TCN2: variants seen among roughly 807,000 people sequenced by gnomAD.
The protein encoded by TCN2 is transcobalamin-2.
Under a neutral mutation model 48.6 loss-of-function variants are expected in TCN2, and 34 were observed. That is an observed-to-expected ratio of 0.70 (90% CI 0.53 to 0.93). The LOEUF (loss-of-function observed/expected upper bound fraction) is 0.93. Ranked by LOEUF, TCN2 falls within the 40% of genes least tolerant of loss-of-function variation. The pLI, the probability that TCN2 is intolerant of heterozygous loss-of-function variation, is 0.00. For synonymous variants in TCN2, 283 were observed against 212.5 expected (o/e 1.33, Z -2.89); for missense variants, 652 against 526.1 (o/e 1.24, Z -2.34).
rs1491172112 is a variant in TCN2 at position 30,623,847 on chromosome 22, C to CATATGT, written c.1222+767_1222+768insTGTATA. Among the ~76,000 whole-genome samples the CATATGT allele has an allele frequency of 7.4e-5, 2 of 27,052 alleles. 1 individual carries two copies. The highest frequency in any genetic ancestry group is 1.3e-4 in the Non-Finnish European group (2 of 15,738). The allele number at this position is 27,052 out of a possible 152,430, so 17.7% of individuals were successfully genotyped here. On this transcript the variant is annotated intron_variant, in intron 8 of 8. Coordinates refer to ENST00000215838, the MANE Select transcript of TCN2 (RefSeq NM_000355.4). ...ATACACACACATATACACACACATA[C>CATATGT]ATACACATACATACACACATATATA...
intron 3 of TCN2, among the ~76,000 whole-genome samples, chr22:30,614,137 T>C (rs2087577295): frequency 6.6e-6 from 1 of 152,304 alleles, no homozygotes. Context: ...AACTGCGCAG[T>C]GCCTGTCTGC....
chr22:30,620,701 A>C (rs2087684962), intron 7 of TCN2, among the ~76,000 whole-genome samples: 1 of 152,250 alleles, frequency 6.6e-6, no homozygotes, highest in South Asian at 2.1e-4. Context: ...TAACGTTTTT[A>C]TTCAGAGCTC....
intron 8 of TCN2, among the ~76,000 whole-genome samples, chr22:30,623,825 C>T (rs371513494): frequency 0.03 from 481 of 15,774 alleles, 31 homozygotes; most frequent in Admixed American, 0.041. Flanking sequence ...CACACACATA[C>T]ACACACATAT....
chr22:30,623,929 T>C lies in TCN2; in HGVS notation c.1222+846T>C, dbSNP rs866105658. ...ATATATATACACACATATATATGTATACATATATACACACACACATATGTA... is the reference window on the plus strand; with the variant it reads ...ATATATATACACACATATATATGTACACATATATACACACACACATATGTA... On this transcript the variant is annotated intron_variant, in intron 8 of 8. Coordinates refer to ENST00000215838, the MANE Select transcript of TCN2 (RefSeq NM_000355.4). 4.3e-4 allele frequency among the ~76,000 whole-genome samples: 29 copies of C among 67,012 alleles called. 1 individual carries two copies. Among genetic ancestry groups the C allele is most frequent in the East Asian group, 2.2e-3 (6 of 2,790 alleles). 44.0% of individuals were successfully genotyped at this position (67,012 alleles called of 152,430 possible).
At chr22:30,618,294 C>T (rs2087644923) in intron 7 of TCN2, among the ~76,000 whole-genome samples, 1 of 150,698 alleles carries the variant, frequency 6.6e-6, no homozygotes, top group Admixed American at 6.6e-5. Context: ...GAGACAGAGT[C>T]TCACTCTATT....
At chr22:30,619,512 C>T (rs963494023) in intron 7 of TCN2, among the ~76,000 whole-genome samples, 5 of 152,238 alleles carry the variant, frequency 3.3e-5, no homozygotes, top group East Asian at 1.9e-4. Context: ...CATGTCTGGA[C>T]TGTTGTTTGA....
intron 2 of TCN2, among the ~76,000 whole-genome samples, chr22:30,611,535 T>C (rs2087541507): frequency 2.0e-5 from 3 of 152,236 alleles, no homozygotes; most frequent in South Asian, 2.1e-4. Context: ...TTTTCTTTCC[T>C]CTCACTCTGT....
intron 7 of TCN2, among the ~76,000 whole-genome samples, chr22:30,621,532 G>T (rs181753484): frequency 2.0e-5 from 3 of 152,198 alleles, no homozygotes; most frequent in Admixed American, 2.0e-4. Flanking sequence ...ACCCAGGCTG[G>T]AGTGCAGTGG....
In TCN2 at chr22:30,622,336, G is replaced by A. The variant is rs73170810; in HGVS notation, c.1107-632G>A. Reference sequence around the variant, plus strand: ...TTCCTGTGGCAGTGGCATCCAGACGGAGTGCAGAAACTCAAAGTTGAAGGC... The same window carrying A: ...TTCCTGTGGCAGTGGCATCCAGACGAAGTGCAGAAACTCAAAGTTGAAGGC... On this transcript the variant is annotated intron_variant, in intron 7 of 8. Coordinates refer to ENST00000215838, the MANE Select transcript of TCN2 (RefSeq NM_000355.4). Among the ~76,000 whole-genome samples, 549 of 152,326 alleles carry A rather than the reference G, an allele frequency of 3.6e-3. 3 individuals carry two copies. The highest frequency in any genetic ancestry group is 5.6e-3 in the Non-Finnish European group (381 of 68,028).
Position 30,626,651 on chromosome 22 carries a change from G to C in TCN2, c.*130G>C, listed in dbSNP as rs1251124385. The C allele has an allele frequency of 2.0e-6, 2 of 995,708 alleles. No homozygotes were observed. The highest frequency in any genetic ancestry group is 3.2e-5 in the African/African-American group (2 of 62,812). The allele number at this position is 995,708 out of a possible 1,614,324, so 61.7% of individuals were successfully genotyped here. ...TGTGCACTTTGAGCAATGCCCCCTG[G>C]GATCACCCCAGCCACAAGCCCTTCG... On this transcript the variant is annotated 3_prime_UTR_variant, in exon 9 of 9. Coordinates refer to ENST00000215838, the MANE Select transcript of TCN2 (RefSeq NM_000355.4).
intron 1 of TCN2, among the ~76,000 whole-genome samples, 187 bp downstream of exon 1, chr22:30,607,582 T>C (rs1455541387): frequency 6.6e-6 from 1 of 152,202 alleles, no homozygotes; most frequent in Non-Finnish European, 1.5e-5. Context: ...AGACAAGATC[T>C]CCGTTAATTC....
rs1386408744 is a variant in TCN2 at position 30,623,838 on chromosome 22, A to G, written c.1222+755A>G. Among the ~76,000 whole-genome samples the G allele has an allele frequency of 2.6e-5, 2 of 76,718 alleles. 1 individual carries two copies. Among genetic ancestry groups the G allele is most frequent in the Non-Finnish European group, 4.5e-5 (2 of 44,462 alleles). 50.3% of individuals were successfully genotyped at this position (76,718 alleles called of 152,430 possible). A position where few individuals can be genotyped will look rare whatever the true frequency, so the allele number is the denominator to read the frequency against. The stretch of plus-strand genomic sequence containing the variant: ...TACACACACATACACACACATATAC[A>G]CACACATACATACACATACATACAC... On this transcript the variant is annotated intron_variant, in intron 8 of 8. Coordinates refer to ENST00000215838, the MANE Select transcript of TCN2 (RefSeq NM_000355.4).
At position 30,627,250 on chromosome 22, in the gene TCN2, G is replaced by A. The variant is rs556250301; in HGVS notation, c.*729G>A. 4 of 156,402 alleles carry A rather than the reference G, an allele frequency of 2.6e-5. No individual in the cohort carries two copies. The highest frequency in any genetic ancestry group is 3.4e-3 in the Middle Eastern group (1 of 296). 9.7% of individuals were successfully genotyped at this position (156,402 alleles called of 1,614,324 possible). On this transcript the variant is annotated 3_prime_UTR_variant, in exon 9 of 9. Transcript: ENST00000215838. ...CACTACTATGACTGAGCACTCACTC[G>A]CTAGATACTATCTTGAACTGCTCTG... is the stretch of plus-strand genomic sequence containing the variant.
At chr22:30,614,608 T>C (rs2145543264) in intron 4 of TCN2, 107 bp downstream of exon 4, 1 of 1,491,296 alleles carries the variant, frequency 6.7e-7, no homozygotes, top group Non-Finnish European at 9.1e-7. Context: ...TCCTTGGGGC[T>C]CCTCCGAATC....
At position 30,612,934 on chromosome 22, in the gene TCN2, C is replaced by T; in HGVS notation, c.319C>T (p.Leu107Phe). 2 of 1,614,198 alleles carry T rather than the reference C, an allele frequency of 1.2e-6. No homozygotes were observed. Among genetic ancestry groups the T allele is most frequent in the Non-Finnish European group, 1.7e-6 (2 of 1,180,040 alleles). ...QGKPSMGQLA[L>F]YLLALRANCE... ...CAAGCCTTCCATGGGCCAGCTGGCC[C>T]TCTACCTGCTCGCTCTCAGAGCCAA... is the stretch of plus-strand genomic sequence containing the variant. The change falls in exon 3 of 9, where the codon CTC becomes TTC. Residue 107 changes from leucine to phenylalanine, a missense_variant. Transcript: ENST00000215838.
intron 3 of TCN2, among the ~76,000 whole-genome samples, chr22:30,613,860 C>T (rs911937904): frequency 6.6e-6 from 1 of 152,218 alleles, no homozygotes; most frequent in African/African-American, 2.4e-5. Context: ...GCCTCCCACA[C>T]ACCTGCCCTC....
Position 30,626,892 on chromosome 22 carries a change from C to T in TCN2, c.*371C>T, listed in dbSNP as rs2087819324. 1.4e-5 allele frequency: 5 copies of T among 365,868 alleles called. No homozygotes were observed. Among genetic ancestry groups the T allele is most frequent in the Non-Finnish European group, 2.6e-5 (5 of 190,346 alleles). The allele number at this position is 365,868 out of a possible 1,614,324, so 22.7% of individuals were successfully genotyped here. ...CACTCGTTCTGTGGTTGGGGTCCTG[C>T]AAGAAGGCCTCCTCAGCCCGGGGGC... is the stretch of plus-strand genomic sequence containing the variant. On this transcript the variant is annotated 3_prime_UTR_variant, in exon 9 of 9. Coordinates refer to ENST00000215838, the MANE Select transcript of TCN2 (RefSeq NM_000355.4).
At position 30,611,058 on chromosome 22, in the gene TCN2, C is replaced by G. The variant is rs141857280; in HGVS notation, c.252C>G (p.Leu84=). Residue 84 remains leucine, a synonymous_variant, in exon 2 of 9, where the codon CTC becomes CTG. Coordinates refer to ENST00000215838, the MANE Select transcript of TCN2 (RefSeq NM_000355.4). The part of the protein sequence containing the change: ...HSLKLGYQQC[L]LGSAFSEDDG... ...TCAAGCTTGGTTACCAGCAGTGCCT[C>G]CTAGGGTATTGCCACACTCTCTTTT... 6.8e-6 allele frequency: 11 copies of G among 1,613,906 alleles called. No individual in the cohort carries two copies. The highest frequency in any genetic ancestry group is 9.3e-6 in the Non-Finnish European group (11 of 1,179,986).
intron 8 of TCN2, among the ~76,000 whole-genome samples, chr22:30,625,255 A>T (rs571099607): frequency 6.6e-6 from 1 of 152,200 alleles, no homozygotes; most frequent in African/African-American, 2.4e-5. Flanking sequence ...ATTTCTTAAC[A>T]GTTCTGGAGG....
Sources: allele counts gnomAD v4.1 joint callset (sites outside exome capture counted in the v4.1 genomes callset), GRCh38; gene constraint gnomAD v4.1.1; transcripts MANE v1.5; gene names NCBI Gene and HGNC (gene_info 2026-07-23, HGNC 2026-07-21).